Variants in PALLD observed in about 807,000 individuals in gnomAD.
PALLD encodes the protein palladin, cytoskeletal associated protein, also known as palladin.
PALLD carries 61 observed loss-of-function variants against 123.5 expected under a neutral mutation model. The ratio of observed to expected loss-of-function variants is 0.49; its 90% CI spans 0.40 to 0.61. The LOEUF is 0.61. Ranked by LOEUF, PALLD falls within the 20% of genes least tolerant of loss-of-function variation. The probability of loss-of-function intolerance (pLI) is 0.00; values close to 1 mark genes in which losing one functional copy is unlikely to be tolerated. For synonymous variants in PALLD, 465 were observed against 496.4 expected (o/e 0.94, Z 0.84); for missense variants, 1,273 against 1,377.0 (o/e 0.92, Z 1.20).
Position 168,709,049 on chromosome 4 carries a change from T to A in PALLD, c.1523T>A (p.Ile508Asn). The change falls in exon 9 of 22, where the codon ATC becomes AAC. Residue 508 changes from isoleucine to asparagine, a missense_variant. Around this residue, in one of 2 missense-constraint regions of PALLD, gnomAD observed 944 missense variants for 954.5 expected, o/e 0.99. Transcript: ENST00000505667. ...CCAGAGGAGATTTGCACCCTAGTTA[T>A]CGCTGAGACTTTCCCTGAAGATGCA... is the stretch of plus-strand genomic sequence containing the variant. ...AEPEEICTLV[I>N]AETFPEDAGI... The A allele has an allele frequency of 1.2e-6, 2 of 1,613,424 alleles. No individual in the cohort carries two copies. Among genetic ancestry groups the A allele is most frequent in the Non-Finnish European group, 1.7e-6 (2 of 1,179,350 alleles).
chr4:168,611,818 G>A (rs1773755307), intron 2 of PALLD, among the ~76,000 whole-genome samples: 1 of 152,290 alleles, frequency 6.6e-6, no homozygotes, highest in South Asian at 2.1e-4. Context: ...CCTACTGAAA[G>A]AGCTCAGAGG....
chr4:168,666,854 A>G (rs949822489), intron 2 of PALLD, among the ~76,000 whole-genome samples: 8 of 152,202 alleles, frequency 5.3e-5, no homozygotes, highest in African/African-American at 1.9e-4. Flanking sequence ...CAGAAAAAAA[A>G]GAAAGAGACT....
intron 2 of PALLD, among the ~76,000 whole-genome samples, chr4:168,591,853 T>C (rs949097250): frequency 6.6e-6 from 1 of 152,174 alleles, no homozygotes; most frequent in African/African-American, 2.4e-5. Context: ...AAATGTTCAA[T>C]GTTATCTGTG....
chr4:168,500,014 CT>C (rs1269137023), intron 1 of PALLD, among the ~76,000 whole-genome samples: 2 of 152,204 alleles, frequency 1.3e-5, no homozygotes, highest in Admixed American at 6.5e-5. Flanking sequence ...TAAATGCAGG[CT>C]TCCACCCTGA....
chr4:168,619,902 C>A (rs1314774259), intron 2 of PALLD, among the ~76,000 whole-genome samples: 1 of 152,182 alleles, frequency 6.6e-6, no homozygotes, highest in Non-Finnish European at 1.5e-5. Context: ...AAGCATAGTT[C>A]TCCTGGCCAA....
chr4:168,628,453 A>T (rs1363996271), intron 2 of PALLD, among the ~76,000 whole-genome samples: 1 of 152,124 alleles, frequency 6.6e-6, no homozygotes, highest in Non-Finnish European at 1.5e-5. Flanking sequence ...ATGACATTCT[A>T]CATCTCACTT....
intron 10 of PALLD, among the ~76,000 whole-genome samples, chr4:168,760,078 C>A (rs377476571): frequency 6.6e-6 from 1 of 152,024 alleles, no homozygotes; most frequent in African/African-American, 2.4e-5. Flanking sequence ...TGTGCTGTCA[C>A]AACTGCAAGG....
At chr4:168,760,524 C>T (rs1561492407) in intron 10 of PALLD, among the ~76,000 whole-genome samples, 1 of 152,102 alleles carries the variant, frequency 6.6e-6, no homozygotes, top group African/African-American at 2.4e-5. Flanking sequence ...GGAGTAGGGG[C>T]GTACCGGGTG....
At chr4:168,903,670 G>A in intron 14 of PALLD, 87 bp from the exon 15 acceptor site, 1 of 1,125,104 alleles carries the variant, frequency 8.9e-7, no homozygotes, top group South Asian at 1.3e-5. Context: ...GATCAGCTCT[G>A]CAAACCACAC....
intron 10 of PALLD, among the ~76,000 whole-genome samples, chr4:168,741,783 G>A (rs938669443): frequency 6.6e-6 from 1 of 152,190 alleles, no homozygotes; most frequent in Non-Finnish European, 1.5e-5. Flanking sequence ...GAACATGAGT[G>A]CCTCTTCTGA....
chr4:168,499,457 T>G (rs1336850334), intron 1 of PALLD, among the ~76,000 whole-genome samples: 1 of 152,118 alleles, frequency 6.6e-6, no homozygotes, highest in African/African-American at 2.4e-5. Context: ...CTAACTTTGG[T>G]TTTCATAGTT....
At chr4:168,605,807 G>A (rs1418195524) in intron 2 of PALLD, among the ~76,000 whole-genome samples, 1 of 152,226 alleles carries the variant, frequency 6.6e-6, no homozygotes, top group Non-Finnish European at 1.5e-5. Flanking sequence ...TTTGTAAGTA[G>A]TGTAAAAGAT....
At chr4:168,656,540 G>A (rs534765251) in intron 2 of PALLD, among the ~76,000 whole-genome samples, 4 of 152,178 alleles carry the variant, frequency 2.6e-5, no homozygotes, top group South Asian at 4.1e-4. Context: ...GTGCCAAAAC[G>A]ACATTTTTTA....
chr4:168,606,840 C>G (rs1416327039), intron 2 of PALLD, among the ~76,000 whole-genome samples: 1 of 152,134 alleles, frequency 6.6e-6, no homozygotes, highest in Non-Finnish European at 1.5e-5. Context: ...CATGAATACA[C>G]TGAGGGCCAG....
At chr4:168,580,044 C>T (rs1349268042) in intron 2 of PALLD, among the ~76,000 whole-genome samples, 1 of 152,014 alleles carries the variant, frequency 6.6e-6, no homozygotes, top group Non-Finnish European at 1.5e-5. Flanking sequence ...CTCCACCATC[C>T]AAACCCTGGC....
At chr4:168,905,133 T>A (rs1487569049) in intron 15 of PALLD, among the ~76,000 whole-genome samples, 2 of 129,344 alleles carry the variant, frequency 1.5e-5, no homozygotes, top group Non-Finnish European at 3.3e-5. Flanking sequence ...TTTTTTGTTT[T>A]GTTGGTTTTT....
At chr4:168,623,768 T>A (rs1425134432) in intron 2 of PALLD, among the ~76,000 whole-genome samples, 1 of 152,218 alleles carries the variant, frequency 6.6e-6, no homozygotes, top group Non-Finnish European at 1.5e-5. Flanking sequence ...AGGGGCACTT[T>A]GTAATGCTAA....
chr4:168,512,699 A>G (rs1401855582), intron 2 of PALLD, among the ~76,000 whole-genome samples: 1 of 152,222 alleles, frequency 6.6e-6, no homozygotes, highest in Non-Finnish European at 1.5e-5. Context: ...ACTAGTAACA[A>G]ATAGGCACAC....
intron 18 of PALLD, among the ~76,000 whole-genome samples, chr4:168,923,106 T>G (rs1004959417): frequency 6.6e-6 from 1 of 152,262 alleles, no homozygotes; most frequent in East Asian, 1.9e-4. Flanking sequence ...GTAGATGTTA[T>G]TCTTACTGAT....
Sources: gnomAD v4.1 joint callset for allele counts (sites outside exome capture counted in the v4.1 genomes callset) on GRCh38, gnomAD v4.1.1 for gene constraint, gnomAD v4.1.1 regional missense constraint, MANE v1.5 for transcripts, NCBI Gene and HGNC (gene_info 2026-07-23, HGNC 2026-07-21) for gene names.